Variants in TRIM61 observed in about 807,000 individuals in gnomAD.
TRIM61 encodes putative tripartite motif-containing protein 61.
A neutral mutation model predicts 14.2 loss-of-function variants in TRIM61; 1 was observed. The ratio of observed to expected loss-of-function variants is 0.07; its 90% CI spans 0.03 to 0.33. The LOEUF is 0.33. TRIM61 is among the 10% of genes least tolerant of loss of function. The probability of loss-of-function intolerance (pLI) is 0.99; values close to 1 mark genes in which losing one functional copy is unlikely to be tolerated. For synonymous variants in TRIM61, 8 were observed against 71.6 expected (o/e 0.11, Z 4.49); for missense variants, 19 against 202.2 (o/e 0.09, Z 5.49).
intron 2 of TRIM61, among the ~76,000 whole-genome samples, chr4:164,970,696 TA>T (rs370122213): frequency 0.013 from 1,925 of 150,230 alleles, 21 homozygotes; most frequent in Middle Eastern, 0.093. Flanking sequence ...AAACAAGCAT[TA>T]AAAAAAAAGG....
chr4:164,971,776 G>A (rs1037066736), intron 2 of TRIM61, among the ~76,000 whole-genome samples: 1 of 152,064 alleles, frequency 6.6e-6, no homozygotes, highest in Non-Finnish European at 1.5e-5. Context: ...ACAGGTACCC[G>A]ATTTTAAGCA....
Position 164,968,174 on chromosome 4 carries a change from G to T in TRIM61, c.525+1304C>A, listed in dbSNP as rs1276282991. 4 of 984,288 alleles carry T rather than the reference G, an allele frequency of 4.1e-6. No homozygotes were observed. The African/African-American group carries it at 7.0e-5, about 17-fold the overall frequency. The allele number at this position is 984,288 out of a possible 1,614,324, so 61.0% of individuals were successfully genotyped here. A position where few individuals can be genotyped will look rare whatever the true frequency, so the allele number is the denominator to read the frequency against. On this transcript the variant is annotated intron_variant, in intron 3 of 4. Transcript: ENST00000329314. ...GGAGGGGAGAAGAGGAAAAAGAAAA[G>T]AAAAGAAAAAGAAAAGAGGCTGTAT...
chr4:164,962,194 G>A (rs1207565737), intron 3 of TRIM61, among the ~76,000 whole-genome samples: 2 of 150,996 alleles, frequency 1.3e-5, no homozygotes, highest in African/African-American at 2.4e-5. Context: ...ATCAGAAAAT[G>A]TGAAATCAAG....
At position 164,959,377 on chromosome 4, in the gene TRIM61, ATTG is replaced by A. The variant is rs199738656; in HGVS notation, c.526-4284_526-4282del. Among the ~76,000 whole-genome samples, 525 of 151,928 alleles carry A rather than the reference ATTG, an allele frequency of 3.5e-3. 6 individuals carry two copies. The highest frequency in any genetic ancestry group is 0.012 in the African/African-American group (499 of 41,410). On this transcript the variant is annotated intron_variant, in intron 3 of 4. Transcript: ENST00000329314. The stretch of plus-strand genomic sequence containing the variant: ...TCTTATGTCCAGAGGTTTTAAGTCT[ATTG>A]TTGTCTGAGTCCCTTGTTTTCCTTC...
chr4:164,974,565 C>A (rs1454984674), intron 2 of TRIM61, among the ~76,000 whole-genome samples: 1 of 152,008 alleles, frequency 6.6e-6, no homozygotes, highest in Non-Finnish European at 1.5e-5. Flanking sequence ...GTGAAAAATT[C>A]TAACACAACA....
At chr4:164,964,414 G>A (rs906390809) in intron 3 of TRIM61, among the ~76,000 whole-genome samples, 3 of 151,152 alleles carry the variant, frequency 2.0e-5, no homozygotes, top group African/African-American at 7.3e-5. Context: ...TGTAAAGCAA[G>A]AAGAATGACA....
chr4:164,956,966 G>C, intron 3 of TRIM61: 1 of 1,432,502 alleles, frequency 7.0e-7, no homozygotes, highest in Non-Finnish European at 9.2e-7. Flanking sequence ...TTCCGGGTGA[G>C]ACCGTGAAGG....
At chr4:164,959,987 G>A (rs1034624980) in intron 3 of TRIM61, among the ~76,000 whole-genome samples, 1 of 152,164 alleles carries the variant, frequency 6.6e-6, no homozygotes. Context: ...GGTCATTAGG[G>A]TGGGCCTTAA....
chr4:164,956,864 C>T, intron 3 of TRIM61: 1 of 711,812 alleles, frequency 1.4e-6, no homozygotes, highest in Non-Finnish European at 2.3e-6. Context: ...AGCACTGCAG[C>T]GTTTCTCCCA....
intron 3 of TRIM61, among the ~76,000 whole-genome samples, chr4:164,961,944 G>C (rs549310891): frequency 6.6e-6 from 1 of 152,122 alleles, no homozygotes; most frequent in Non-Finnish European, 1.5e-5. Context: ...GTACCTGTAA[G>C]CTACATAGTA....
chr4:164,965,252 C>T (rs938301595), intron 3 of TRIM61, among the ~76,000 whole-genome samples: 5 of 151,562 alleles, frequency 3.3e-5, no homozygotes, highest in Non-Finnish European at 1.5e-5. Context: ...TGCACCACTG[C>T]ACTCCAGCCT....
chr4:164,967,260 ACT>A (rs1462649572), intron 3 of TRIM61, among the ~76,000 whole-genome samples: 3 of 152,244 alleles, frequency 2.0e-5, no homozygotes, highest in Admixed American at 6.5e-5. Flanking sequence ...GAATAGATTC[ACT>A]GTTATGTCTA....
At chr4:164,976,410 G>GT (rs1364882061) in intron 2 of TRIM61, among the ~76,000 whole-genome samples, 1 of 152,128 alleles carries the variant, frequency 6.6e-6, no homozygotes, top group Non-Finnish European at 1.5e-5. Context: ...CTCACTCCAG[G>GT]TATCATTGTG....
chr4:164,967,904 C>G (rs1004861595), intron 3 of TRIM61, among the ~76,000 whole-genome samples: 3 of 151,558 alleles, frequency 2.0e-5, no homozygotes, highest in East Asian at 1.9e-4. Context: ...GTAATCCCAG[C>G]ACTTTGGGAG....
chr4:164,972,074 T>TA (rs760687019), intron 2 of TRIM61, among the ~76,000 whole-genome samples: 4 of 152,304 alleles, frequency 2.6e-5, no homozygotes, highest in African/African-American at 4.8e-5. Flanking sequence ...TTCCCAAACT[T>TA]AAAGTTTTAA....
At chr4:164,965,802 A>G (rs34895033) in intron 3 of TRIM61, among the ~76,000 whole-genome samples, 2,159 of 144,082 alleles carry the variant, frequency 0.015, 27 homozygotes, top group Middle Eastern at 0.04. Context: ...TTAAAAATAC[A>G]TAAGAGTGAA....
Position 164,974,125 on chromosome 4 carries a change from G to A in TRIM61, c.-338+2563C>T, listed in dbSNP as rs1322371497. ...GCAGAGGTTGCAGTGAGTAGAGATC[G>A]TGCCACTGCACTCCAGCCTGAGCAA... is the stretch of plus-strand genomic sequence containing the variant. On this transcript the variant is annotated intron_variant, in intron 2 of 4. Coordinates refer to ENST00000329314, the MANE Select transcript of TRIM61 (RefSeq NM_001012414.3). 3.3e-5 allele frequency among the ~76,000 whole-genome samples: 5 copies of A among 152,208 alleles called. No homozygotes were observed. The East Asian group carries it at 7.7e-4, about 23-fold the overall frequency.
intron 3 of TRIM61, among the ~76,000 whole-genome samples, chr4:164,963,541 C>G (rs531983286): frequency 1.3e-5 from 2 of 151,930 alleles, no homozygotes; most frequent in East Asian, 3.9e-4. Context: ...GTCAGGAGTT[C>G]GAGACCAGCC....
intron 3 of TRIM61, chr4:164,968,740 G>C: frequency 2.0e-6 from 2 of 981,478 alleles, no homozygotes; most frequent in Non-Finnish European, 2.4e-6. Context: ...TCATTTCATA[G>C]TCTAAAAAAA....
Sources: allele counts gnomAD v4.1 joint callset (sites outside exome capture counted in the v4.1 genomes callset), GRCh38; gene constraint gnomAD v4.1.1; transcripts MANE v1.5; gene names NCBI Gene and HGNC (gene_info 2026-07-23, HGNC 2026-07-21).